The following MAN1A1 variants were observed in gnomAD, a reference collection of about 807,000 sequenced individuals.
MAN1A1 encodes mannosidase alpha class 1A member 1.
A neutral mutation model predicts 70.8 loss-of-function variants in MAN1A1; 29 were observed. The observed-to-expected ratio is 0.41, with a 90% confidence interval of 0.31 to 0.56. MAN1A1 has a LOEUF of 0.56. Among genes scored for constraint, MAN1A1 ranks in the 20% least tolerant of loss-of-function variants. The pLI is 0.29. For synonymous variants in MAN1A1, 349 were observed against 330.1 expected (o/e 1.06, Z -0.62); for missense variants, 747 against 841.3 (o/e 0.89, Z 1.39).
At chr6:119,337,470 C>A (rs1773485933) in intron 2 of MAN1A1, among the ~76,000 whole-genome samples, 2 of 152,146 alleles carry the variant, frequency 1.3e-5, no homozygotes, top group African/African-American at 4.8e-5. Context: ...TGGGCAGGGC[C>A]CAGAGCTAAC....
intron 5 of MAN1A1, among the ~76,000 whole-genome samples, chr6:119,262,065 T>C (rs1440338798): frequency 6.6e-6 from 1 of 152,164 alleles, no homozygotes; most frequent in Non-Finnish European, 1.5e-5. Flanking sequence ...TGGGTGGCAG[T>C]GCAGAGTCCC....
chr6:119,249,842 T>C (rs962423327), intron 5 of MAN1A1, among the ~76,000 whole-genome samples: 1 of 152,116 alleles, frequency 6.6e-6, no homozygotes, highest in South Asian at 2.1e-4. Context: ...ATTTTCCTCA[T>C]GCATACCACA....
chr6:119,256,414 A>ATTTTTTTTT (rs5879493), intron 5 of MAN1A1, among the ~76,000 whole-genome samples: 1 of 147,788 alleles, frequency 6.8e-6, no homozygotes, highest in Non-Finnish European at 1.5e-5. Flanking sequence ...GTATCTCATT[A>ATTTTTTTTT]TTTTTTTTTT....
At chr6:119,335,979 G>A (rs570774599) in intron 2 of MAN1A1, among the ~76,000 whole-genome samples, 5 of 152,318 alleles carry the variant, frequency 3.3e-5, no homozygotes, top group Admixed American at 1.3e-4. Context: ...TGGACCAGAA[G>A]CATCAGTATC....
intron 5 of MAN1A1, among the ~76,000 whole-genome samples, chr6:119,267,329 T>G (rs1474612421): frequency 7.3e-6 from 1 of 136,264 alleles, no homozygotes; most frequent in African/African-American, 3.0e-5. Context: ...AATATTTACA[T>G]GTACATGTTT....
intron 6 of MAN1A1, among the ~76,000 whole-genome samples, chr6:119,226,647 T>C (rs1418264948): frequency 6.6e-6 from 1 of 152,180 alleles, no homozygotes; most frequent in East Asian, 1.9e-4. Flanking sequence ...ATATAAAATG[T>C]TCATATAAAG....
At chr6:119,202,879 A>G (rs1773752653) in intron 7 of MAN1A1, among the ~76,000 whole-genome samples, 1 of 152,214 alleles carries the variant, frequency 6.6e-6, no homozygotes, top group African/African-American at 2.4e-5. Context: ...CTGAAACCCT[A>G]CTTCCCAGTG....
At chr6:119,329,440 T>G (rs1006505597) in intron 2 of MAN1A1, among the ~76,000 whole-genome samples, 28 of 147,350 alleles carry the variant, frequency 1.9e-4, no homozygotes, top group Admixed American at 3.5e-4. Flanking sequence ...GAGAGATTCC[T>G]TTTTATAATA....
intron 6 of MAN1A1, among the ~76,000 whole-genome samples, chr6:119,220,900 T>TA (rs913884356): frequency 3.3e-5 from 5 of 152,208 alleles, no homozygotes; most frequent in East Asian, 1.9e-4. Flanking sequence ...AACACGGCAT[T>TA]AAAAAAACCC....
intron 12 of MAN1A1, among the ~76,000 whole-genome samples, 171 bp downstream of exon 12, chr6:119,180,141 C>T (rs973456165): frequency 2.0e-5 from 3 of 152,122 alleles, no homozygotes; most frequent in Admixed American, 1.3e-4. Flanking sequence ...TTGGTGTTAG[C>T]AGTACCAAGT....
In MAN1A1 at chr6:119,260,976, GTTTT is replaced by G. The variant is rs61169300; in HGVS notation, c.898-12626_898-12623del. ...TATCTAAATGTCTTGTTTTTTTATT[GTTTT>G]TTTTTTTTTTTTTTTTGAGATGGAG... On this transcript the variant is annotated intron_variant, in intron 5 of 12. Coordinates refer to ENST00000368468, the MANE Select transcript of MAN1A1 (RefSeq NM_005907.4). 8.9e-4 allele frequency among the ~76,000 whole-genome samples: 104 copies of G among 116,950 alleles called. 13 individuals carry two copies. Among genetic ancestry groups the G allele is most frequent in the East Asian group, 1.2e-3 (5 of 4,302 alleles). The allele number at this position is 116,950 out of a possible 152,430, so 76.7% of individuals were successfully genotyped here.
At chr6:119,331,612 T>A (rs921114074) in intron 2 of MAN1A1, among the ~76,000 whole-genome samples, 2 of 136,152 alleles carry the variant, frequency 1.5e-5, no homozygotes, top group Non-Finnish European at 1.6e-5. Flanking sequence ...CAAGGGGATA[T>A]AAACATACAT....
intron 6 of MAN1A1, among the ~76,000 whole-genome samples, chr6:119,230,549 A>G (rs921385067): frequency 6.6e-6 from 1 of 152,142 alleles, no homozygotes; most frequent in African/African-American, 2.4e-5. Flanking sequence ...CCTAGCTCTC[A>G]TCTACACATC....
intron 7 of MAN1A1, among the ~76,000 whole-genome samples, chr6:119,203,428 G>A (rs1332608837): frequency 6.6e-6 from 1 of 152,110 alleles, no homozygotes; most frequent in Non-Finnish European, 1.5e-5. Flanking sequence ...GAGACAAAGG[G>A]GAGAATGTCA....
intron 6 of MAN1A1, among the ~76,000 whole-genome samples, chr6:119,210,636 T>C (rs1340452658): frequency 1.3e-5 from 2 of 151,576 alleles, no homozygotes; most frequent in Admixed American, 6.6e-5. Flanking sequence ...TATTTTTATG[T>C]TTTTGCCACT....
In MAN1A1 at chr6:119,177,804, T is replaced by A. The variant is rs975717515; in HGVS notation, c.*2015A>T. The A allele has an allele frequency of 6.6e-6, 1 of 152,106 alleles. No homozygotes were observed. The highest frequency in any genetic ancestry group is 2.4e-5 in the African/African-American group (1 of 41,452). The allele number at this position is 152,106 out of a possible 1,614,324, so 9.4% of individuals were successfully genotyped here. On this transcript the variant is annotated 3_prime_UTR_variant, in exon 13 of 13. Coordinates refer to ENST00000368468, the MANE Select transcript of MAN1A1 (RefSeq NM_005907.4). ...CACCAAGGTACCTCATAGTGCAGTG[T>A]GTACACACAACCTGATTTTAATATT... is the stretch of plus-strand genomic sequence containing the variant.
chr6:119,182,200 T>G (rs1773169836), intron 11 of MAN1A1, among the ~76,000 whole-genome samples: 1 of 152,216 alleles, frequency 6.6e-6, no homozygotes, highest in South Asian at 2.1e-4. Context: ...CTTCAGGTCC[T>G]TTGCCTATTT....
In MAN1A1 at chr6:119,349,719, A is replaced by G; in HGVS notation, c.-400T>C. On this transcript the variant is annotated 5_prime_UTR_variant, in exon 1 of 13. Coordinates refer to ENST00000368468, the MANE Select transcript of MAN1A1 (RefSeq NM_005907.4). ...GCCGACCTGCGGGCGAATGGCAGCG[A>G]GTAGAGCAGCACGGTACACTCCGCC... is the stretch of plus-strand genomic sequence containing the variant. The G allele has an allele frequency of 1.0e-6, 1 of 985,764 alleles. No homozygotes were observed. Among genetic ancestry groups the G allele is most frequent in the Non-Finnish European group, 1.2e-6 (1 of 830,082 alleles). 61.1% of individuals were successfully genotyped at this position (985,764 alleles called of 1,614,324 possible).
chr6:119,272,000 T>C (rs1182387978), intron 5 of MAN1A1, among the ~76,000 whole-genome samples: 2 of 152,164 alleles, frequency 1.3e-5, no homozygotes, highest in African/African-American at 4.8e-5. Context: ...AGTGACAGAA[T>C]ACATTATTAG....
Sources: gnomAD v4.1 joint callset for allele counts (sites outside exome capture counted in the v4.1 genomes callset) on GRCh38, gnomAD v4.1.1 for gene constraint, MANE v1.5 for transcripts, NCBI Gene and HGNC (gene_info 2026-07-23, HGNC 2026-07-21) for gene names.